Variants in NUP205 observed in about 807,000 individuals in gnomAD.
The protein encoded by NUP205 is nuclear pore complex protein Nup205.
A neutral mutation model predicts 253.8 loss-of-function variants in NUP205; 76 were observed. The observed-to-expected ratio is 0.30, with a 90% CI of 0.25 to 0.36. The LOEUF is 0.36. Among genes scored for constraint, NUP205 ranks in the 10% least tolerant of loss-of-function variants. The probability of loss-of-function intolerance (pLI) is 1.00; values close to 1 mark genes in which losing one functional copy is unlikely to be tolerated. For missense variants in NUP205, 2,162 were observed against 2,425.5 expected (o/e 0.89, Z 2.28); for synonymous variants, 832 against 850.1 (o/e 0.98, Z 0.37).
intron 35 of NUP205, among the ~76,000 whole-genome samples, chr7:135,633,782 C>T (rs1351126936): frequency 6.6e-6 from 1 of 152,092 alleles, no homozygotes; most frequent in African/African-American, 2.4e-5. Context: ...TTGATAAATT[C>T]CTGGCAGTAC....
At chr7:135,637,318 C>T (rs746724667) in intron 36 of NUP205, among the ~76,000 whole-genome samples, 1 of 152,230 alleles carries the variant, frequency 6.6e-6, no homozygotes, top group East Asian at 1.9e-4. Flanking sequence ...ATTTGAAAGC[C>T]ATCGGCTAAC....
At chr7:135,588,484 T>A (rs750272570) in intron 10 of NUP205, among the ~76,000 whole-genome samples, 5 of 151,046 alleles carry the variant, frequency 3.3e-5, no homozygotes, top group Non-Finnish European at 7.4e-5. Flanking sequence ...TCTTAAAATT[T>A]AAGTTCTGTT....
intron 8 of NUP205, 111 bp downstream of exon 8, chr7:135,585,118 C>A: frequency 2.3e-6 from 2 of 859,878 alleles, no homozygotes; most frequent in South Asian, 2.0e-5. Flanking sequence ...TTAATACAGA[C>A]TAAAATTTGC....
At chr7:135,630,287 A>T in intron 34 of NUP205, 57 bp from the exon 35 acceptor site, 1 of 1,310,846 alleles carries the variant, frequency 7.6e-7, no homozygotes, top group Non-Finnish European at 1.0e-6. Flanking sequence ...ATGCATTTAT[A>T]TATAATTTTC....
chr7:135,627,629 C>T (rs958754764), intron 33 of NUP205, among the ~76,000 whole-genome samples: 10 of 152,250 alleles, frequency 6.6e-5, no homozygotes, highest in African/African-American at 2.4e-4. Flanking sequence ...GGGAAAGTAG[C>T]TTTTTAAATC....
chr7:135,628,233 C>A lies in NUP205; in HGVS notation c.4932+122C>A, dbSNP rs182999968. The A allele has an allele frequency of 1.0e-3, 896 of 894,732 alleles. 5 individuals are homozygous for A. In the African/African-American group the frequency reaches 0.014, roughly 14 times the overall value. 55.4% of individuals were successfully genotyped at this position (894,732 alleles called of 1,614,324 possible). A position where few individuals can be genotyped will look rare whatever the true frequency, so the allele number is the denominator to read the frequency against. ...GTTAGTCCTAATGTTTGTGGCAGAG[C>A]AGGGTAGAGAAAAGAGGCCCCTGTA... is the stretch of plus-strand genomic sequence containing the variant. On this transcript the variant is annotated intron_variant, in intron 34 of 42. Coordinates refer to ENST00000285968, the MANE Select transcript of NUP205 (RefSeq NM_015135.3).
Position 135,635,465 on chromosome 7 carries a change from G to A in NUP205, c.5060-116G>A, listed in dbSNP as rs985565868. On this transcript the variant is annotated intron_variant, in intron 35 of 42. Coordinates refer to ENST00000285968, the MANE Select transcript of NUP205 (RefSeq NM_015135.3). ...ATCATAGTTCTCAAAACTTTTTTAT[G>A]GCAAGAATATCTGTTCATGCACATA... is the stretch of plus-strand genomic sequence containing the variant. 1.8e-5 allele frequency: 10 copies of A among 543,852 alleles called. No homozygotes were observed. In the South Asian group the frequency reaches 3.3e-4, roughly 18 times the overall value. The allele number at this position is 543,852 out of a possible 1,614,324, so 33.7% of individuals were successfully genotyped here.
intron 35 of NUP205, among the ~76,000 whole-genome samples, chr7:135,633,265 ATTTG>A (rs1004824516): frequency 1.4e-4 from 21 of 150,962 alleles, no homozygotes; most frequent in Admixed American, 2.6e-4. Context: ...CGCCTGGCCT[ATTTG>A]TTTGTTTTAG....
intron 15 of NUP205, among the ~76,000 whole-genome samples, chr7:135,598,491 TCACATTTGTTGGAAAC>T (rs1466767065): frequency 1.3e-5 from 2 of 152,212 alleles, no homozygotes; most frequent in Non-Finnish European, 2.9e-5. Flanking sequence ...ACAAAAAGTG[TCACATTTGTTGGAAAC>T]ACACTACTAC....
At chr7:135,622,165 C>T (rs1157698878) in intron 30 of NUP205, among the ~76,000 whole-genome samples, 1 of 151,508 alleles carries the variant, frequency 6.6e-6, no homozygotes, top group Non-Finnish European at 1.5e-5. Flanking sequence ...TGGCTCACAC[C>T]TGTAATCCCA....
At chr7:135,574,864 A>G (rs1806108932) in intron 3 of NUP205, among the ~76,000 whole-genome samples, 1 of 152,204 alleles carries the variant, frequency 6.6e-6, no homozygotes. Flanking sequence ...TGGGCATGTT[A>G]GTTGAACAAA....
rs372659124 is a variant in NUP205 at position 135,604,418 on chromosome 7, T to C, written c.2781T>C (p.Ser927=). Residue 927 remains serine (S), a synonymous_variant, in exon 19 of 43, where the codon TCT becomes TCC. Coordinates refer to ENST00000285968, the MANE Select transcript of NUP205 (RefSeq NM_015135.3). ...TCCTCTGTTGTATCTCTTGCAACTC[T>C]AATATTCAGATAAAGTTGGTTGGAG... ...AKILCCISCN[S]NIQIKLVGDF... is the part of the protein sequence containing the mutation. The C allele has an allele frequency of 3.1e-6, 5 of 1,611,612 alleles. No individual in the cohort carries two copies. Among genetic ancestry groups the C allele is most frequent in the Non-Finnish European group, 3.4e-6 (4 of 1,179,136 alleles).
At chr7:135,643,154 A>T (rs755523197) in intron 38 of NUP205, 38 bp from the exon 39 acceptor site, 1 of 1,580,618 alleles carries the variant, frequency 6.3e-7, no homozygotes, top group Admixed American at 1.8e-5. Flanking sequence ...TGAAATGCTT[A>T]TAAGTGGAAC....
intron 22 of NUP205, among the ~76,000 whole-genome samples, chr7:135,609,443 A>G (rs996307683): frequency 1.3e-5 from 2 of 151,524 alleles, no homozygotes; most frequent in Admixed American, 1.3e-4. Context: ...GCGCCACTGC[A>G]CTCCAGCCTA....
At position 135,576,514 on chromosome 7, in the gene NUP205, G is replaced by C. The variant is rs1442496503; in HGVS notation, c.488+100G>C. 3 of 990,452 alleles carry C rather than the reference G, an allele frequency of 3.0e-6. No individual in the cohort carries two copies. The East Asian group carries it at 7.4e-5, about 24-fold the overall frequency. The allele number at this position is 990,452 out of a possible 1,614,324, so 61.4% of individuals were successfully genotyped here. A position where few individuals can be genotyped will look rare whatever the true frequency, so the allele number is the denominator to read the frequency against. The stretch of plus-strand genomic sequence containing the variant: ...ACAATCTGAGCAATATGTAACATAA[G>C]CTGAGTAATATACTCCCTTATTCTG... On this transcript the variant is annotated intron_variant, in intron 4 of 42. Transcript: ENST00000285968.
chr7:135,623,871 C>T (rs1794525968), intron 31 of NUP205, among the ~76,000 whole-genome samples: 1 of 152,308 alleles, frequency 6.6e-6, no homozygotes, highest in South Asian at 2.1e-4. Context: ...CAAGCTCCGC[C>T]TCCCGAGTTC....
At chr7:135,589,658 C>T (rs529847909) in intron 10 of NUP205, among the ~76,000 whole-genome samples, 6 of 151,446 alleles carry the variant, frequency 4.0e-5, no homozygotes, top group South Asian at 4.2e-4. Flanking sequence ...GAGCCAGGCA[C>T]GGTGCTTCAC....
Position 135,648,579 on chromosome 7 carries a change from A to G in NUP205, c.*23A>G, listed in dbSNP as rs561671010. On this transcript the variant is annotated 3_prime_UTR_variant, in exon 43 of 43. Transcript: ENST00000285968. ...TGAGAGCCCGTGCTTATGCTCTTCT[A>G]TGAGAGAGATGAATTGGGGAGAATT... The G allele has an allele frequency of 1.2e-5, 17 of 1,465,992 alleles. No homozygotes were observed. The highest frequency in any genetic ancestry group is 2.9e-5 in the African/African-American group (2 of 68,526). The allele number at this position is 1,465,992 out of a possible 1,614,324, so 90.8% of individuals were successfully genotyped here. A position where few individuals can be genotyped will look rare whatever the true frequency, so the allele number is the denominator to read the frequency against.
Position 135,628,070 on chromosome 7 carries a change from C to G in NUP205, c.4891C>G (p.Leu1631Val). 3.7e-6 allele frequency: 6 copies of G among 1,610,618 alleles called. No individual in the cohort carries two copies. Among genetic ancestry groups the G allele is most frequent in the Non-Finnish European group, 5.1e-6 (6 of 1,179,390 alleles). Reference sequence around the variant, plus strand: ...AGCTCTCCAGCTGTGCCAGGTCATCCTCACATCTAGTATGGCCCAGCACTT... The same window carrying G: ...AGCTCTCCAGCTGTGCCAGGTCATCGTCACATCTAGTATGGCCCAGCACTT... Reference protein sequence around the residue: ...LPALQLCQVILTSSMAQHLQA... With the variant: ...LPALQLCQVIVTSSMAQHLQA... The change falls in exon 34 of 43, where the codon CTC (leucine) becomes GTC (valine). Residue 1631 changes from leucine (L) to valine (V), a missense_variant. Leu to Val is a conservative substitution (Grantham distance 32, BLOSUM62 1). Transcript: ENST00000285968.
Sources: allele counts gnomAD v4.1 joint callset (sites outside exome capture counted in the v4.1 genomes callset), GRCh38; gene constraint gnomAD v4.1.1; transcripts MANE v1.5; gene names NCBI Gene and HGNC (gene_info 2026-07-23, HGNC 2026-07-21).